PTPRF: variants seen among roughly 807,000 people sequenced by gnomAD.
The protein encoded by PTPRF is receptor-type tyrosine-protein phosphatase F.
A neutral mutation model predicts 201.8 loss-of-function variants in PTPRF; 59 were observed. The ratio of observed to expected loss-of-function variants is 0.29; its 90% confidence interval spans 0.24 to 0.36. The LOEUF is 0.36. Ranked by LOEUF, PTPRF falls within the 10% of genes least tolerant of loss-of-function variation. PTPRF has a pLI of 1.00. For synonymous variants in PTPRF, 1,088 were observed against 1,089.7 expected (o/e 1.00, Z 0.03); for missense variants, 2,132 against 2,690.5 (o/e 0.79, Z 4.59).
At chr1:43,594,668 G>A (rs1174110319) in intron 11 of PTPRF, among the ~76,000 whole-genome samples, 2 of 152,112 alleles carry the variant, frequency 1.3e-5, no homozygotes, top group Non-Finnish European at 2.9e-5. Flanking sequence ...TTATGAATAG[G>A]GGCCCAGGGG....
chr1:43,618,675 G>A lies in PTPRF; in HGVS notation c.4417G>A (p.Gly1473Ser). The A allele has an allele frequency of 6.2e-7, 1 of 1,612,808 alleles. No homozygotes were observed. Residue 1473 changes from glycine (G) to serine (S), a missense_variant, in exon 26 of 34, where the codon GGC becomes AGC. This residue lies in a region of PTPRF where 519 missense variants were observed against 659.5 expected (regional missense o/e 0.79). Transcript: ENST00000359947. The part of the protein sequence containing the change: ...YWPARGTETC[G>S]LIQVTLLDTV... ...GCCAGCCCGTGGCACCGAGACCTGT[G>A]GCCTTATTCAGGTGACCCTGTTGGA... is the stretch of plus-strand genomic sequence containing the variant.
chr1:43,599,565 A>C (rs1158968068), intron 13 of PTPRF, among the ~76,000 whole-genome samples: 5 of 152,130 alleles, frequency 3.3e-5, no homozygotes, highest in Non-Finnish European at 7.3e-5. Flanking sequence ...GCAGGGAACG[A>C]TTCAGCCCCT....
chr1:43,556,279 T>C lies in PTPRF; in HGVS notation c.379+2338T>C, dbSNP rs1170030725. ...GTTTTGGGGGGTTTTTTAGTTTTGT[T>C]TGAGACAGAGTCTCACTCTGTTGCC... On this transcript the variant is annotated intron_variant, in intron 5 of 33. Coordinates refer to ENST00000359947, the MANE Select transcript of PTPRF (RefSeq NM_002840.5). Among the ~76,000 whole-genome samples the C allele has an allele frequency of 3.9e-5, 6 of 152,180 alleles. No individual in the cohort carries two copies. The East Asian group carries it at 7.7e-4, about 20-fold the overall frequency.
chr1:43,586,240 C>T (rs529875168), intron 7 of PTPRF, among the ~76,000 whole-genome samples: 7 of 152,312 alleles, frequency 4.6e-5, no homozygotes, highest in African/African-American at 1.4e-4. Context: ...ACCCACTGGC[C>T]GAGAGGACAG....
intron 8 of PTPRF, among the ~76,000 whole-genome samples, chr1:43,590,228 A>G (rs961494715): frequency 4.6e-5 from 7 of 152,096 alleles, no homozygotes; most frequent in Admixed American, 4.6e-4. Flanking sequence ...ACCGCATCCA[A>G]GGAGATTCCC....
Position 43,598,039 on chromosome 1 carries a change from G to C in PTPRF, c.2105G>C (p.Arg702Pro). Residue 702 changes from arginine (R) to proline (P), a missense_variant, in exon 12 of 34, where the codon CGC (arginine) becomes CCC (proline). Arg to Pro is a moderately radical substitution (Grantham distance 103). Coordinates refer to ENST00000359947, the MANE Select transcript of PTPRF (RefSeq NM_002840.5). ...CCCGAGAGCAGCCCGGTGCTGGTGC[G>C]CACCGATGAGGACGGTAGGCAGTGC... ...PGPESSPVLV[R>P]TDEDVPSGPP... 1 of 1,495,742 alleles carries C rather than the reference G, an allele frequency of 6.7e-7. No individual in the cohort carries two copies. Among genetic ancestry groups the C allele is most frequent in the Non-Finnish European group, 9.0e-7 (1 of 1,114,472 alleles). 92.7% of individuals were successfully genotyped at this position (1,495,742 alleles called of 1,614,324 possible).
chr1:43,529,309 A>C (rs1298202444), upstream of PTPRF, among the ~76,000 whole-genome samples: 1 of 152,174 alleles, frequency 6.6e-6, no homozygotes, highest in Non-Finnish European at 1.5e-5. Context: ...CAGGGGGCGC[A>C]CACGCACTGT....
In PTPRF at chr1:43,603,646, G is replaced by A. The variant is rs928654396; in HGVS notation, c.2494G>A (p.Ala832Thr). Residue 832 changes from alanine (A) to threonine (T), a missense_variant, in exon 16 of 34, where the codon GCC becomes ACC. This residue lies in a region of PTPRF where 818 missense variants were observed against 915.3 expected (regional missense o/e 0.89). Coordinates refer to ENST00000359947, the MANE Select transcript of PTPRF (RefSeq NM_002840.5). The surrounding 1 kb of genome is among the most constrained non-coding windows in gnomAD (Gnocchi z 5.8). Reference sequence around the variant, plus strand: ...GCCCACCATGATGATCAGCACCACGGCCATGAACACTGCGCTGCTCCAGTG... The same window carrying A: ...GCCCACCATGATGATCAGCACCACGACCATGAACACTGCGCTGCTCCAGTG... ...GRPTMMISTT[A>T]MNTALLQWHP... 2 of 1,613,456 alleles carry A rather than the reference G, an allele frequency of 1.2e-6. No individual in the cohort carries two copies. The highest frequency in any genetic ancestry group is 1.3e-5 in the African/African-American group (1 of 75,054).
Position 43,546,294 on chromosome 1 carries a change from G to T in PTPRF, c.91+1128G>T, listed in dbSNP as rs1333769467. ...TCCTGGGTGGAGCTAGAAGGGAAAG[G>T]AGAAGGGGCAGGCATTCCCAAGGGG... On this transcript the variant is annotated intron_variant, in intron 3 of 33. Coordinates refer to ENST00000359947, the MANE Select transcript of PTPRF (RefSeq NM_002840.5). The surrounding 1 kb of genome is among the most constrained non-coding windows in gnomAD (Gnocchi z 4.2). Among the ~76,000 whole-genome samples the T allele has an allele frequency of 1.3e-5, 2 of 152,194 alleles. No homozygotes were observed. Among genetic ancestry groups the T allele is most frequent in the Non-Finnish European group, 1.5e-5 (1 of 68,028 alleles).
intron 5 of PTPRF, among the ~76,000 whole-genome samples, chr1:43,563,171 C>T (rs1170991199): frequency 9.6e-6 from 1 of 104,106 alleles, no homozygotes; most frequent in Non-Finnish European, 2.2e-5. Flanking sequence ...AAGCGAGACT[C>T]CATCTCAAAA....
At chr1:43,618,522 C>A in intron 25 of PTPRF, 108 bp from the exon 26 acceptor site, 1 of 1,393,384 alleles carries the variant, frequency 7.2e-7, no homozygotes, top group East Asian at 2.3e-5. Flanking sequence ...GGCTGGGGGG[C>A]TTTGTAGCCA....
chr1:43,620,341 C>T, intron 30 of PTPRF, 113 bp from the exon 31 acceptor site: 4 of 1,530,176 alleles, frequency 2.6e-6, no homozygotes, highest in Non-Finnish European at 3.6e-6. Context: ...TCAGCATGGC[C>T]TCAGGCGCCC....
rs375954668 is a variant in PTPRF at position 43,589,843 on chromosome 1, C to T, written c.949+843C>T. On this transcript the variant is annotated intron_variant, in intron 8 of 33. Coordinates refer to ENST00000359947, the MANE Select transcript of PTPRF (RefSeq NM_002840.5). Reference sequence around the variant, plus strand: ...CATGATCACACCACTGCACTCCAGCCTGAGTGACAGAGCGAGACCCTATGA... The same window carrying T: ...CATGATCACACCACTGCACTCCAGCTTGAGTGACAGAGCGAGACCCTATGA... Among the ~76,000 whole-genome samples the T allele has an allele frequency of 3.2e-4, 49 of 151,798 alleles. No homozygotes were observed. In the East Asian group the frequency reaches 7.2e-3, roughly 22 times the overall value.
Position 43,622,125 on chromosome 1 carries a change from C to A in PTPRF, c.*122C>A. ...AGATGCTGTCACTGGCAGAGCACAG[C>A]CCACGGGGATCACAGCGTTTCAGGA... On this transcript the variant is annotated 3_prime_UTR_variant, in exon 34 of 34. Transcript: ENST00000359947. 1 of 1,037,938 alleles carries A rather than the reference C, an allele frequency of 9.6e-7. No individual in the cohort carries two copies. Among genetic ancestry groups the A allele is most frequent in the Non-Finnish European group, 1.5e-6 (1 of 685,564 alleles). The allele number at this position is 1,037,938 out of a possible 1,614,324, so 64.3% of individuals were successfully genotyped here. A position where few individuals can be genotyped will look rare whatever the true frequency, so the allele number is the denominator to read the frequency against.
intron 5 of PTPRF, among the ~76,000 whole-genome samples, chr1:43,567,148 TC>T (rs1646242152): frequency 6.6e-6 from 1 of 151,894 alleles, no homozygotes; most frequent in South Asian, 2.1e-4. Context: ...AGGAATGAGG[TC>T]TTGAAAGAGT....
chr1:43,564,596 A>G (rs1646032085), intron 5 of PTPRF, among the ~76,000 whole-genome samples: 1 of 151,902 alleles, frequency 6.6e-6, no homozygotes, highest in African/African-American at 2.4e-5. Context: ...TTCTCCATGT[A>G]TATTTCTGTG....
At chr1:43,592,105 G>A (rs986054591) in intron 10 of PTPRF, among the ~76,000 whole-genome samples, 157 bp downstream of exon 10, 2 of 152,100 alleles carry the variant, frequency 1.3e-5, no homozygotes, top group African/African-American at 4.8e-5. Context: ...GTGTCATGTG[G>A]CCCGCACAGC....
At position 43,598,010 on chromosome 1, in the gene PTPRF, C is replaced by T. The variant is rs143907854; in HGVS notation, c.2076C>T (p.Pro692=). Residue 692 remains proline (P), a synonymous_variant, in exon 12 of 34, where the codon CCC becomes CCT. Coordinates refer to ENST00000359947, the MANE Select transcript of PTPRF (RefSeq NM_002840.5). ...TGCGGGCACACACAGACGTGGGCCC[C>T]GGCCCCGAGAGCAGCCCGGTGCTGG... ...VWVRAHTDVG[P]GPESSPVLVR... The T allele has an allele frequency of 2.3e-5, 35 of 1,521,900 alleles. No individual in the cohort carries two copies. Among genetic ancestry groups the T allele is most frequent in the Admixed American group, 1.2e-4 (6 of 49,486 alleles). 94.3% of individuals were successfully genotyped at this position (1,521,900 alleles called of 1,614,324 possible). A position where few individuals can be genotyped will look rare whatever the true frequency, so the allele number is the denominator to read the frequency against.
At chr1:43,544,919 C>A in intron 2 of PTPRF, 112 bp from the exon 3 acceptor site, 1 of 656,966 alleles carries the variant, frequency 1.5e-6, no homozygotes, top group Non-Finnish European at 2.5e-6. Context: ...CTCTGTTGAA[C>A]TAGGCTCTGG....
Sources: gnomAD v4.1 joint callset for allele counts (sites outside exome capture counted in the v4.1 genomes callset) on GRCh38, gnomAD v4.1.1 for gene constraint, gnomAD v4.1.1 regional missense constraint, Gnocchi (gnomAD v3.1) non-coding constraint, MANE v1.5 for transcripts, NCBI Gene and HGNC (gene_info 2026-07-23, HGNC 2026-07-21) for gene names.